The following GSDMD variants were observed in gnomAD, a reference collection of about 807,000 sequenced individuals.
GSDMD encodes the protein gasdermin-D.
Under a neutral mutation model 46.7 loss-of-function variants are expected in GSDMD, and 46 were observed. That is an observed-to-expected ratio of 0.99 (90% CI 0.78 to 1.26). GSDMD has a LOEUF of 1.26. Among genes scored for constraint, GSDMD ranks in the 50% most tolerant of loss-of-function variants. The probability of loss-of-function intolerance (pLI) is 0.00; values close to 1 mark genes in which losing one functional copy is unlikely to be tolerated. For synonymous variants in GSDMD, 307 were observed against 283.1 expected (o/e 1.08, Z -0.85); for missense variants, 649 against 638.8 (o/e 1.02, Z -0.17).
At chr8:143,554,569 C>T (rs1374501918), upstream of GSDMD, among the ~76,000 whole-genome samples, 6 of 147,342 alleles carry the variant, frequency 4.1e-5, no homozygotes, top group East Asian at 8.1e-4. Context: ...CGCGCGCAAA[C>T]GCACACAACA....
upstream of GSDMD, chr8:143,557,782 C>T (rs7813970): frequency 0.14 from 44,929 of 312,832 alleles, 4,077 homozygotes; most frequent in Non-Finnish European, 0.2. Context: ...ATTTGCATTT[C>T]CTTGATGACT....
upstream of GSDMD, among the ~76,000 whole-genome samples, chr8:143,557,611 C>T (rs914040978): frequency 3.3e-5 from 5 of 152,256 alleles, no homozygotes; most frequent in African/African-American, 1.2e-4. Context: ...CACGGTAACT[C>T]TTGGAGGAGC....
In GSDMD at chr8:143,562,685, T is replaced by C; in HGVS notation, c.1236T>C (p.Ser412=). The change falls in exon 11 of 11, where the codon AGT becomes AGC. Residue 412 remains serine (S), a synonymous_variant. Coordinates refer to ENST00000262580, the MANE Select transcript of GSDMD (RefSeq NM_024736.7). ...AGGTGGGCAGCCTCTTGGAGCAGAGTGCCCCGTGGCAGGAGCGCAGCACCA... is the reference window on the plus strand; with the variant it reads ...AGGTGGGCAGCCTCTTGGAGCAGAGCGCCCCGTGGCAGGAGCGCAGCACCA... The part of the protein sequence containing the change: ...LELVGSLLEQ[S]APWQERSTMS... 1 of 1,605,922 alleles carries C rather than the reference T, an allele frequency of 6.2e-7. No individual in the cohort carries two copies. Among genetic ancestry groups the C allele is most frequent in the South Asian group, 1.1e-5 (1 of 89,984 alleles).
At chr8:143,557,055 G>A (rs559026181), upstream of GSDMD, among the ~76,000 whole-genome samples, 4 of 152,352 alleles carry the variant, frequency 2.6e-5, no homozygotes, top group South Asian at 2.1e-4. Flanking sequence ...CCCTCTGGAC[G>A]TGCCCATTCG....
chr8:143,560,470 C>A, intron 3 of GSDMD, 133 bp from the exon 4 acceptor site: 1 of 934,816 alleles, frequency 1.1e-6, no homozygotes, highest in Non-Finnish European at 1.6e-6. Flanking sequence ...GGAGAGGCTG[C>A]CGGTGCCCCG....
chr8:143,559,280 T>TTGGC, intron 1 of GSDMD, 52 bp from the exon 2 acceptor site: 9 of 579,414 alleles, frequency 1.6e-5, no homozygotes, highest in East Asian at 3.2e-5. Flanking sequence ...CTTCTCCCAC[T>TTGGC]CCCTCCCGCC....
chr8:143,554,425 C>T (rs546723650), upstream of GSDMD, among the ~76,000 whole-genome samples: 2 of 150,302 alleles, frequency 1.3e-5, no homozygotes, highest in Admixed American at 6.6e-5. Context: ...TATGCACACG[C>T]GCACAAACAT....
chr8:143,560,667 G>T lies in GSDMD; in HGVS notation c.475G>T (p.Val159Leu), dbSNP rs1372459189. 1.3e-6 allele frequency: 2 copies of T among 1,589,616 alleles called. No individual in the cohort carries two copies. The highest frequency in any genetic ancestry group is 1.7e-6 in the Non-Finnish European group (2 of 1,168,318). Residue 159 changes from valine to leucine, a missense_variant, in exon 4 of 11, where the codon GTG (valine) becomes TTG (leucine). Transcript: ENST00000262580. Reference sequence around the variant, plus strand: ...GCGCAGCCGCGGGGACAACGTGTACGTGGTGACTGAGGTGCTGCAGACACA... The same window carrying T: ...GCGCAGCCGCGGGGACAACGTGTACTTGGTGACTGAGGTGCTGCAGACACA... Reference protein sequence around the residue: ...QLRSRGDNVYVVTEVLQTQKE... With the variant: ...QLRSRGDNVYLVTEVLQTQKE...
Position 143,560,688 on chromosome 8 carries a change from A to G in GSDMD, c.496A>G (p.Thr166Ala), listed in dbSNP as rs1343385452. Residue 166 changes from threonine to alanine, a missense_variant, in exon 4 of 11, where the codon ACA (threonine) becomes GCA (alanine). Transcript: ENST00000262580. The stretch of plus-strand genomic sequence containing the variant: ...GTACGTGGTGACTGAGGTGCTGCAG[A>G]CACAGAAGGAGGTGGAAGTCACGCG... ...NVYVVTEVLQTQKEVEVTRTH... is the reference protein window; with the variant it reads ...NVYVVTEVLQAQKEVEVTRTH... 31 of 1,585,620 alleles carry G rather than the reference A, an allele frequency of 2.0e-5. No individual in the cohort carries two copies. Among genetic ancestry groups the G allele is most frequent in the Non-Finnish European group, 2.4e-5 (28 of 1,166,176 alleles).
rs528606456 is a variant in GSDMD, at chr8:143,559,107, G to A, written c.-4-225G>A. 2.7e-4 allele frequency: 161 copies of A among 599,068 alleles called. 1 individual carries two copies. The South Asian group carries it at 3.1e-3, about 12-fold the overall frequency. 37.1% of individuals were successfully genotyped at this position (599,068 alleles called of 1,614,324 possible). On this transcript the variant is annotated intron_variant, in intron 1 of 10. Transcript: ENST00000262580. Reference sequence around the variant, plus strand: ...TCAGGCCTCACTGTCCCTGGCTGGAGGTGCTCATGGTACCGTAGACAACAG... The same window carrying A: ...TCAGGCCTCACTGTCCCTGGCTGGAAGTGCTCATGGTACCGTAGACAACAG...
intron 5 of GSDMD, 93 bp downstream of exon 5, chr8:143,561,197 GC>G: frequency 7.5e-7 from 1 of 1,327,130 alleles, no homozygotes; most frequent in Non-Finnish European, 1.1e-6. Context: ...GCTGCCGTGG[GC>G]CCCTGGCTGA....
chr8:143,561,367 C>T lies in GSDMD; in HGVS notation c.683-3C>T, dbSNP rs781426111. 1.2e-6 allele frequency: 2 copies of T among 1,606,908 alleles called. No individual in the cohort carries two copies. The highest frequency in any genetic ancestry group is 1.7e-5 in the Admixed American group (1 of 59,410). On this transcript the variant is annotated splice_region_variant and splice_polypyrimidine_tract_variant and intron_variant, in intron 5 of 10. Transcript: ENST00000262580. ...TCCCTGTCTGCTCCCGTCTGGCTGC[C>T]AGACGTCCTTCTCTTCCCGGATAAG...
chr8:143,561,707 A>C (rs1321321120), intron 6 of GSDMD, 35 bp from the exon 7 acceptor site: 1 of 1,553,512 alleles, frequency 6.4e-7, no homozygotes, highest in African/African-American at 1.4e-5. Context: ...CTTCCCCGGC[A>C]CTGACCAGCC....
At position 143,563,004 on chromosome 8, in the gene GSDMD, C is replaced by T. The variant is rs1403412206; in HGVS notation, c.*100C>T. ...GCCAGGAGCCCAGTAGCCATGTGGC[C>T]AGTCTACCATGGGGCCCAGGAGTTG... On this transcript the variant is annotated 3_prime_UTR_variant, in exon 11 of 11. Transcript: ENST00000262580. 1 of 1,509,850 alleles carries T rather than the reference C, an allele frequency of 6.6e-7. No individual in the cohort carries two copies. The highest frequency in any genetic ancestry group is 1.4e-5 in the African/African-American group (1 of 72,726). 93.5% of individuals were successfully genotyped at this position (1,509,850 alleles called of 1,614,324 possible).
chr8:143,560,083 A>C, intron 3 of GSDMD, 114 bp downstream of exon 3: 2 of 1,058,858 alleles, frequency 1.9e-6, no homozygotes, highest in South Asian at 2.7e-5. Flanking sequence ...TATCTCGGCC[A>C]GGGTGGTCTT....
intron 1 of GSDMD, chr8:143,559,128 A>C (rs937542348): frequency 1.7e-6 from 1 of 601,930 alleles, no homozygotes; most frequent in Non-Finnish European, 3.0e-6. Context: ...TACCGTAGAC[A>C]ACAGGGAGAA....
intron 3 of GSDMD, chr8:143,560,178 C>G (rs991962059): frequency 1.4e-6 from 1 of 704,796 alleles, no homozygotes; most frequent in Non-Finnish European, 2.6e-6. Context: ...CAGGTCCCAG[C>G]CTTGCTCTTG....
intron 10 of GSDMD, 53 bp from the exon 11 acceptor site, chr8:143,562,609 G>A: frequency 1.9e-6 from 3 of 1,596,532 alleles, no homozygotes; most frequent in Admixed American, 1.7e-5. Context: ...GTATGGGCAG[G>A]CACAAGATGC....
chr8:143,558,002 C>T (rs892838281), upstream of GSDMD: 4 of 395,394 alleles, frequency 1.0e-5, no homozygotes, highest in East Asian at 7.8e-5. Flanking sequence ...TCAAGCGATT[C>T]TCTTGCCTCA....
Sources: allele counts gnomAD v4.1 joint callset (sites outside exome capture counted in the v4.1 genomes callset), GRCh38; gene constraint gnomAD v4.1.1; transcripts MANE v1.5; gene names NCBI Gene and HGNC (gene_info 2026-07-23, HGNC 2026-07-21).